KCTD13: variants seen among roughly 807,000 people sequenced by gnomAD.
KCTD13 encodes the protein BTB/POZ domain-containing adapter for CUL3-mediated RhoA degradation protein 1.
KCTD13 carries 15 observed loss-of-function variants against 32.3 expected under a neutral mutation model. That is an observed-to-expected ratio of 0.46 (90% CI 0.31 to 0.71). The LOEUF (loss-of-function observed/expected upper bound fraction) is 0.71. KCTD13 is among the 30% of genes least tolerant of loss of function. The pLI is 0.05. For missense variants in KCTD13, 337 were observed against 452.6 expected, an observed-to-expected ratio of 0.74 and a Z score of 2.32; for synonymous variants, 189 against 200.1, an observed-to-expected ratio of 0.94 and a Z score of 0.47.
In KCTD13 at chr16:29,907,015, T is replaced by C. The variant is rs770626254; in HGVS notation, c.847A>G (p.Thr283Ala). ...CCACCAGCTCCAGCTGCTCCCCCTG[T>C]GGCCTCCAGGAGGGCTGGGTCTGGG... ...RGPDPALLEATGGAAGAGGAG... is the reference protein window; with the variant it reads ...RGPDPALLEAAGGAAGAGGAG... The change falls in exon 6 of 6, where the codon ACA (threonine) becomes GCA (alanine). Residue 283 changes from threonine to alanine, a missense_variant. This residue lies in a region of KCTD13 where 252 missense variants were observed against 340.2 expected (regional missense o/e 0.74). Coordinates refer to ENST00000568000, the MANE Select transcript of KCTD13 (RefSeq NM_178863.5). 1 of 1,614,140 alleles carries C rather than the reference T, an allele frequency of 6.2e-7. No homozygotes were observed. Among genetic ancestry groups the C allele is most frequent in the East Asian group, 2.2e-5 (1 of 44,878 alleles).
At chr16:29,921,663 T>C (rs969573342) in intron 2 of KCTD13, 3 of 152,150 alleles carry the variant, frequency 2.0e-5, no homozygotes, top group Non-Finnish European at 4.4e-5. Flanking sequence ...TTTAAAACTT[T>C]AGTTTTAACA....
intron 1 of KCTD13, among the ~76,000 whole-genome samples, chr16:29,923,730 T>A (rs979231988): frequency 6.6e-6 from 1 of 150,470 alleles, no homozygotes; most frequent in African/African-American, 2.5e-5. Flanking sequence ...GCTTGGTGGC[T>A]GGTGCCAGCT....
chr16:29,908,800 TC>T (rs2068656855), intron 5 of KCTD13, among the ~76,000 whole-genome samples: 1 of 151,870 alleles, frequency 6.6e-6, no homozygotes, highest in Non-Finnish European at 1.5e-5. Context: ...CCTCCCGGGC[TC>T]AAGTGATCCT....
chr16:29,910,486 T>G (rs1000588711), intron 5 of KCTD13, among the ~76,000 whole-genome samples: 12 of 151,918 alleles, frequency 7.9e-5, no homozygotes, highest in Admixed American at 7.2e-4. Flanking sequence ...GGATTACAGG[T>G]GCATGCCATC....
chr16:29,911,240 G>T, intron 4 of KCTD13, 67 bp from the exon 5 acceptor site: 1 of 1,225,810 alleles, frequency 8.2e-7, no homozygotes, highest in East Asian at 2.4e-5. Flanking sequence ...CCCAGAAGAC[G>T]GGCCTGGATG....
At chr16:29,908,480 G>A (rs948077438) in intron 5 of KCTD13, among the ~76,000 whole-genome samples, 3 of 152,118 alleles carry the variant, frequency 2.0e-5, no homozygotes, top group Admixed American at 1.3e-4. Flanking sequence ...CACTTCCCAA[G>A]TTCAAGCGAT....
chr16:29,907,985 A>G (rs2068641582), intron 5 of KCTD13, among the ~76,000 whole-genome samples: 1 of 151,896 alleles, frequency 6.6e-6, no homozygotes, highest in Non-Finnish European at 1.5e-5. Context: ...CTATTAAAAA[A>G]AAAAAAAGAG....
In KCTD13 at chr16:29,906,485, C is replaced by T. The variant is rs1333387405; in HGVS notation, c.*387G>A. Reference sequence around the variant, plus strand: ...AGGGAGGATGGTGGGGAGGAGGGGGCGGACTACCCTGCAGGACGCGGGAGG... The same window carrying T: ...AGGGAGGATGGTGGGGAGGAGGGGGTGGACTACCCTGCAGGACGCGGGAGG... On this transcript the variant is annotated 3_prime_UTR_variant, in exon 6 of 6. Coordinates refer to ENST00000568000, the MANE Select transcript of KCTD13 (RefSeq NM_178863.5). 3 of 467,486 alleles carry T rather than the reference C, an allele frequency of 6.4e-6. No homozygotes were observed. Among genetic ancestry groups the T allele is most frequent in the Non-Finnish European group, 1.3e-5 (3 of 235,042 alleles). The allele number at this position is 467,486 out of a possible 1,614,324, so 29.0% of individuals were successfully genotyped here. A position where few individuals can be genotyped will look rare whatever the true frequency, so the allele number is the denominator to read the frequency against.
At chr16:29,912,433 TG>T (rs2068730790) in intron 2 of KCTD13, 1 of 276,430 alleles carries the variant, frequency 3.6e-6, no homozygotes, top group Non-Finnish European at 6.7e-6. Flanking sequence ...CTGCCTTTTG[TG>T]TTATCAGTTT....
Position 29,911,842 on chromosome 16 carries a change from C to T in KCTD13, c.530G>A (p.Arg177His), listed in dbSNP as rs1364553680. 6 of 1,612,370 alleles carry T rather than the reference C, an allele frequency of 3.7e-6. No homozygotes were observed. Among genetic ancestry groups the T allele is most frequent in the East Asian group, 2.2e-5 (1 of 44,854 alleles). ...SKPVVKLLHN[R>H]SNNKYSYTST... Reference sequence around the variant, plus strand: ...GGTGTAGGAGTACTTGTTGTTACTGCGGTTGTGCAGGAGCTTCACCACGGG... The same window carrying T: ...GGTGTAGGAGTACTTGTTGTTACTGTGGTTGTGCAGGAGCTTCACCACGGG... The change falls in exon 4 of 6, where the codon CGC becomes CAC. Residue 177 changes from arginine to histidine, a missense_variant. Coordinates refer to ENST00000568000, the MANE Select transcript of KCTD13 (RefSeq NM_178863.5).
chr16:29,922,595 G>A (rs2068932777), intron 2 of KCTD13: 1 of 158,136 alleles, frequency 6.3e-6, no homozygotes, highest in South Asian at 2.0e-4. Context: ...CTGCTCCTCA[G>A]AACCCTAAGG....
At chr16:29,924,380 G>A (rs1295401930) in intron 1 of KCTD13, among the ~76,000 whole-genome samples, 2 of 152,100 alleles carry the variant, frequency 1.3e-5, no homozygotes, top group Admixed American at 1.3e-4. Context: ...CTCTCACCAT[G>A]AGAAAGTTCT....
intron 1 of KCTD13, among the ~76,000 whole-genome samples, chr16:29,924,160 G>A (rs2068958973): frequency 6.8e-6 from 1 of 147,190 alleles, no homozygotes; most frequent in Admixed American, 6.9e-5. Context: ...GGCAACAAGA[G>A]TGAAACTCCA....
intron 1 of KCTD13, 78 bp downstream of exon 1, chr16:29,925,712 G>C: frequency 7.0e-7 from 1 of 1,436,992 alleles, no homozygotes; most frequent in Non-Finnish European, 9.6e-7. Flanking sequence ...GGGGCATGAG[G>C]AGCCCCGGTG....
intron 2 of KCTD13, among the ~76,000 whole-genome samples, chr16:29,917,379 G>A (rs1202453399): frequency 6.6e-6 from 1 of 152,146 alleles, no homozygotes; most frequent in African/African-American, 2.4e-5. Flanking sequence ...AGGTATAGCG[G>A]ATCACACCTG....
Position 29,923,196 on chromosome 16 carries a change from C to T in KCTD13, c.408G>A (p.Ala136=), listed in dbSNP as rs145620145. 1.3e-5 allele frequency: 21 copies of T among 1,613,984 alleles called. No homozygotes were observed. Among genetic ancestry groups the T allele is most frequent in the East Asian group, 2.2e-5 (1 of 44,892 alleles). ...GGACTCCGAAGGCCCTCACCTGCAG[C>T]GCCAGCTGGCAGTCCTCAATCAGGC... ...VQGLIEDCQL[A]LQQKRETLSP... The change falls in exon 2 of 6, where the codon GCG becomes GCA. Residue 136 remains alanine, a synonymous_variant. Coordinates refer to ENST00000568000, the MANE Select transcript of KCTD13 (RefSeq NM_178863.5).
intron 2 of KCTD13, 154 bp from the exon 3 acceptor site, chr16:29,912,203 C>G (rs1043691977): frequency 1.2e-5 from 8 of 653,570 alleles, no homozygotes; most frequent in Admixed American, 2.9e-5. Flanking sequence ...CTCTGCCACT[C>G]TCCCTTTGCT....
chr16:29,925,685 G>A, intron 1 of KCTD13, 105 bp downstream of exon 1: 1 of 1,137,420 alleles, frequency 8.8e-7, no homozygotes, highest in Non-Finnish European at 1.3e-6. Flanking sequence ...TGACTGGACA[G>A]TAGCGGGCAG....
chr16:29,924,135 T>C lies in KCTD13; in HGVS notation c.245-776A>G, dbSNP rs185820768. Among the ~76,000 whole-genome samples the C allele has an allele frequency of 4.1e-3, 612 of 150,428 alleles. 2 individuals are homozygous for C. The highest frequency in any genetic ancestry group is 5.6e-3 in the Non-Finnish European group (376 of 67,746). ...GTTGCGGTGAGCCGAGATCGTGCCA[T>C]TGCACTCCAGCCTGGGCAACAAGAG... On this transcript the variant is annotated intron_variant, in intron 1 of 5. Transcript: ENST00000568000.
Sources: gnomAD v4.1 joint callset for allele counts (sites outside exome capture counted in the v4.1 genomes callset) on GRCh38, gnomAD v4.1.1 for gene constraint, gnomAD v4.1.1 regional missense constraint, MANE v1.5 for transcripts, NCBI Gene and HGNC (gene_info 2026-07-23, HGNC 2026-07-21) for gene names.